The following FOXP2 variants were observed in gnomAD, a reference collection of about 807,000 sequenced individuals.
FOXP2 encodes forkhead box P2.
FOXP2 carries 12 observed loss-of-function variants against 115.8 expected under a neutral mutation model. The observed-to-expected ratio is 0.10, with a 90% CI of 0.07 to 0.17. The LOEUF is 0.17. Among genes scored for constraint, FOXP2 ranks in the 10% least tolerant of loss-of-function variants. The pLI, the probability that FOXP2 is intolerant of heterozygous loss-of-function variation, is 1.00. For missense variants in FOXP2, 629 were observed against 843.5 expected (o/e 0.75, Z 3.15); for synonymous variants, 328 against 297.7 (o/e 1.10, Z -1.05).
chr7:114,356,665 TAGAG>T (rs1321056525), intron 2 of FOXP2, among the ~76,000 whole-genome samples: 2 of 152,168 alleles, frequency 1.3e-5, no homozygotes, highest in Non-Finnish European at 2.9e-5. Flanking sequence ...TAAATGGTAT[TAGAG>T]AGAGTAGTAG....
chr7:114,481,798 ATCTATCTATC>A, intron 2 of FOXP2, among the ~76,000 whole-genome samples: 1 of 150,208 alleles, frequency 6.7e-6, no homozygotes, highest in African/African-American at 2.4e-5. Flanking sequence ...CTATCTATCT[ATCTATCTATC>A]TATATATCTA....
intron 3 of FOXP2, among the ~76,000 whole-genome samples, chr7:114,581,268 C>T (rs1216348313): frequency 6.6e-6 from 1 of 151,890 alleles, no homozygotes; most frequent in East Asian, 1.9e-4. Context: ...ACTGCAACCT[C>T]TGCCTCCTAG....
chr7:114,517,982 G>C (rs899568916), intron 2 of FOXP2, among the ~76,000 whole-genome samples: 4 of 151,982 alleles, frequency 2.6e-5, no homozygotes, highest in African/African-American at 9.7e-5. Flanking sequence ...CAATTTGTTG[G>C]TGTCTTCTTC....
At chr7:114,567,173 A>T (rs1490347696) in intron 3 of FOXP2, among the ~76,000 whole-genome samples, 1 of 152,098 alleles carries the variant, frequency 6.6e-6, no homozygotes, top group African/African-American at 2.4e-5. Context: ...TAGAAACAAT[A>T]ATTCTTTTTA....
chr7:114,131,726 A>T (rs1409989450), intron 1 of FOXP2, among the ~76,000 whole-genome samples: 1 of 152,218 alleles, frequency 6.6e-6, no homozygotes, highest in Non-Finnish European at 1.5e-5. Flanking sequence ...TCCTCAAACT[A>T]AATATCCACA....
chr7:114,271,671 AT>A (rs1161322972), intron 1 of FOXP2, among the ~76,000 whole-genome samples: 1 of 118,318 alleles, frequency 8.5e-6, no homozygotes, highest in Non-Finnish European at 1.6e-5. Flanking sequence ...TAAATATATT[AT>A]TTAAAATTAT....
rs1283799042 is a variant in FOXP2, at chr7:114,291,921, T to TAATATATAGAATATATATTAC, written c.-11+3813_-11+3814insATATATAGAATATATATTACA. Among the ~76,000 whole-genome samples the TAATATATAGAATATATATTAC allele has an allele frequency of 6.1e-4, 86 of 141,860 alleles. 10 individuals carry two copies. Among genetic ancestry groups the TAATATATAGAATATATATTAC allele is most frequent in the African/African-American group, 1.9e-3 (73 of 38,458 alleles). The allele number at this position is 141,860 out of a possible 152,430, so 93.1% of individuals were successfully genotyped here. A position where few individuals can be genotyped will look rare whatever the true frequency, so the allele number is the denominator to read the frequency against. On this transcript the variant is annotated intron_variant, in intron 2 of 17. Transcript: ENST00000634411. ...TAGATAATATATAGAATATATATTA[T>TAATATATAGAATATATATTAC]AGATAATATATAGAATATATATTAT...
intron 1 of FOXP2, among the ~76,000 whole-genome samples, chr7:114,098,892 C>T (rs1305430293): frequency 6.6e-6 from 1 of 152,188 alleles, no homozygotes; most frequent in East Asian, 1.9e-4. Flanking sequence ...AATCCCTGCA[C>T]TTTGGGAGGC....
upstream of FOXP2, chr7:114,086,479 C>G (rs778053968): frequency 1.3e-4 from 46 of 349,622 alleles, no homozygotes; most frequent in East Asian, 5.1e-3. Flanking sequence ...TCGGCCCCCC[C>G]CCTCCCCGGG....
intron 6 of FOXP2, 69 bp downstream of exon 6, chr7:114,631,774 C>A: frequency 6.6e-7 from 1 of 1,520,964 alleles, no homozygotes; most frequent in Non-Finnish European, 9.1e-7. Context: ...GGCCTTTCTG[C>A]CTTATACCTT....
chr7:114,329,114 A>G (rs556944991), intron 2 of FOXP2, among the ~76,000 whole-genome samples: 1 of 152,220 alleles, frequency 6.6e-6, no homozygotes, highest in African/African-American at 2.4e-5. Context: ...TGGATCGAGT[A>G]TTGATTGAAT....
At chr7:114,676,012 C>A (rs530456716) in intron 16 of FOXP2, among the ~76,000 whole-genome samples, 7 of 150,218 alleles carry the variant, frequency 4.7e-5, no homozygotes, top group African/African-American at 1.7e-4. Context: ...CCAGTTCAGG[C>A]GATTCTCTTG....
intron 2 of FOXP2, among the ~76,000 whole-genome samples, chr7:114,321,280 C>G (rs1467863301): frequency 1.3e-5 from 2 of 151,814 alleles, no homozygotes; most frequent in Admixed American, 1.3e-4. Context: ...CTCACTGCAA[C>G]CTCTGCCTCC....
At chr7:114,279,127 A>T (rs751337073) in intron 1 of FOXP2, among the ~76,000 whole-genome samples, 14 of 152,222 alleles carry the variant, frequency 9.2e-5, no homozygotes, top group Non-Finnish European at 1.8e-4. Flanking sequence ...AATTGCTTTA[A>T]TATTAATTCA....
At chr7:114,293,949 A>G (rs1796673579) in intron 2 of FOXP2, among the ~76,000 whole-genome samples, 2 of 152,202 alleles carry the variant, frequency 1.3e-5, no homozygotes, top group Non-Finnish European at 2.9e-5. Context: ...CTCATAGATA[A>G]TTAATACATT....
chr7:114,408,153 G>A (rs1402180785), intron 2 of FOXP2, among the ~76,000 whole-genome samples: 1 of 152,026 alleles, frequency 6.6e-6, no homozygotes, highest in Non-Finnish European at 1.5e-5. Context: ...TTGGCATCAA[G>A]TTATTTTTAT....
intron 16 of FOXP2, among the ~76,000 whole-genome samples, chr7:114,680,464 A>T (rs1252539549): frequency 6.6e-6 from 1 of 152,208 alleles, no homozygotes; most frequent in Non-Finnish European, 1.5e-5. Flanking sequence ...AAAAACTGCT[A>T]CCGAAATAGA....
In FOXP2 at chr7:114,692,874, GT is replaced by G; in HGVS notation, c.*2949del. 1 of 453,996 alleles carries G rather than the reference GT, an allele frequency of 2.2e-6. No homozygotes were observed. Among genetic ancestry groups the G allele is most frequent in the Non-Finnish European group, 4.4e-6 (1 of 226,608 alleles). 28.1% of individuals were successfully genotyped at this position (453,996 alleles called of 1,614,324 possible). ...AATTTTTGATACTTTTCATTACTGT[GT>G]ACTATGTTCATACTTTGAATTCTCT... On this transcript the variant is annotated 3_prime_UTR_variant, in exon 17 of 17. Transcript: ENST00000350908.
intron 2 of FOXP2, among the ~76,000 whole-genome samples, chr7:114,511,751 C>T (rs1798089390): frequency 6.6e-6 from 1 of 152,056 alleles, no homozygotes; most frequent in Admixed American, 6.6e-5. Flanking sequence ...TGTGGTATTT[C>T]CAACCAACTT....
Sources: allele counts gnomAD v4.1 joint callset (sites outside exome capture counted in the v4.1 genomes callset), GRCh38; gene constraint gnomAD v4.1.1; transcripts MANE v1.5; gene names NCBI Gene and HGNC (gene_info 2026-07-23, HGNC 2026-07-21).